SYTL3: variants seen among roughly 807,000 people sequenced by gnomAD.
The protein encoded by SYTL3 is synaptotagmin-like protein 3.
SYTL3 carries 88 observed loss-of-function variants against 82.1 expected under a neutral mutation model. That is an observed-to-expected ratio of 1.07 (90% CI 0.90 to 1.28). The LOEUF is 1.28. Ranked by LOEUF, SYTL3 falls within the 50% of genes most tolerant of loss-of-function variation. The probability of loss-of-function intolerance (pLI) is 0.00; values close to 1 mark genes in which losing one functional copy is unlikely to be tolerated. For missense variants in SYTL3, 831 were observed against 757.6 expected (o/e 1.10, Z -1.14); for synonymous variants, 311 against 289.4 (o/e 1.07, Z -0.76).
rs1179069095 is a variant in SYTL3, at chr6:158,752,690, G to T, written c.1137+660G>T. On this transcript the variant is annotated intron_variant, in intron 13 of 17. Transcript: ENST00000611299. Reference sequence around the variant, plus strand: ...CCAATCTTGGTGCAGGGTGAGGGGGGTAGCCCAGAGCTGCAGAGGCTACCC... The same window carrying T: ...CCAATCTTGGTGCAGGGTGAGGGGGTTAGCCCAGAGCTGCAGAGGCTACCC... 2.0e-5 allele frequency among the ~76,000 whole-genome samples: 3 copies of T among 152,336 alleles called. No individual in the cohort carries two copies. In the East Asian group the frequency reaches 5.8e-4, roughly 29 times the overall value.
intron 5 of SYTL3, among the ~76,000 whole-genome samples, chr6:158,669,942 A>G (rs534270403): frequency 5.9e-5 from 9 of 152,350 alleles, no homozygotes; most frequent in African/African-American, 1.9e-4. Context: ...TCTCTGAAAC[A>G]ACTTAAAAAG....
intron 11 of SYTL3, among the ~76,000 whole-genome samples, chr6:158,732,376 A>G (rs892681620): frequency 1.3e-5 from 2 of 152,128 alleles, no homozygotes; most frequent in Admixed American, 6.6e-5. Flanking sequence ...CAAAATATAA[A>G]TGCCTGGCTA....
At chr6:158,681,647 C>T (rs561209355) in intron 5 of SYTL3, among the ~76,000 whole-genome samples, 33 of 152,252 alleles carry the variant, frequency 2.2e-4, no homozygotes, top group African/African-American at 7.0e-4. Flanking sequence ...CACTGCACTC[C>T]AGCCTGGGCC....
rs562036426 is a variant in SYTL3, at chr6:158,760,174, C to A, written c.1309-466C>A. Among the ~76,000 whole-genome samples the A allele has an allele frequency of 2.0e-5, 3 of 152,194 alleles. No individual in the cohort carries two copies. In the South Asian group the frequency reaches 6.2e-4, roughly 32 times the overall value. On this transcript the variant is annotated intron_variant, in intron 14 of 17. Transcript: ENST00000611299. ...CTCAGACTCACCACACCCTGAGGGG[C>A]CACCCCCTGTGGCTCTGGACAGAGA...
chr6:158,724,142 G>T (rs749265797), intron 10 of SYTL3, among the ~76,000 whole-genome samples: 2 of 152,170 alleles, frequency 1.3e-5, no homozygotes, highest in African/African-American at 4.8e-5. Flanking sequence ...TGGTGTCTCT[G>T]TCTTCCTACT....
chr6:158,702,850 C>T (rs765201421), intron 6 of SYTL3, among the ~76,000 whole-genome samples: 44 of 151,992 alleles, frequency 2.9e-4, no homozygotes, highest in Non-Finnish European at 4.0e-4. Flanking sequence ...CCCTGAGCCT[C>T]GCTTTTCATT....
chr6:158,659,749 TG>T (rs1469853604), intron 2 of SYTL3, among the ~76,000 whole-genome samples: 1 of 152,248 alleles, frequency 6.6e-6, no homozygotes, highest in Non-Finnish European at 1.5e-5. Flanking sequence ...CATTTCGTTT[TG>T]TTTTGCTTTG....
At chr6:158,755,229 A>G (rs542562029) in intron 13 of SYTL3, among the ~76,000 whole-genome samples, 4 of 152,222 alleles carry the variant, frequency 2.6e-5, no homozygotes, top group African/African-American at 9.6e-5. Flanking sequence ...TGTAGTCCCA[A>G]CTACTTGGGA....
At position 158,665,379 on chromosome 6, in the gene SYTL3, A is replaced by G; in HGVS notation, c.111-16A>G. ...GTTCCATCTAATACTATCTTCTTTA[A>G]CTCTGAGGGCTGCAGGAAACTGAAA... On this transcript the variant is annotated splice_polypyrimidine_tract_variant and intron_variant, in intron 4 of 17. Coordinates refer to ENST00000611299, the MANE Select transcript of SYTL3 (RefSeq NM_001242394.2). 6.4e-7 allele frequency: 1 copy of G among 1,562,880 alleles called. No homozygotes were observed. Among genetic ancestry groups the G allele is most frequent in the Non-Finnish European group, 8.7e-7 (1 of 1,153,226 alleles).
At chr6:158,733,163 G>A (rs1273918916) in intron 11 of SYTL3, among the ~76,000 whole-genome samples, 1 of 152,074 alleles carries the variant, frequency 6.6e-6, no homozygotes, top group Non-Finnish European at 1.5e-5. Flanking sequence ...AAATAAGTAC[G>A]TTCTGTGTTC....
chr6:158,719,837 C>T lies in SYTL3; in HGVS notation c.720+1626C>T, dbSNP rs528312249. Among the ~76,000 whole-genome samples, 3 of 152,356 alleles carry T rather than the reference C, an allele frequency of 2.0e-5. No individual in the cohort carries two copies. In the East Asian group the frequency reaches 5.8e-4, roughly 29 times the overall value. ...GAGCCTGGTGGCTCATGCCGGTAAT[C>T]CCAGCACTTTGGGAAGCCGAGGTGG... On this transcript the variant is annotated intron_variant, in intron 10 of 17. Transcript: ENST00000611299.
At chr6:158,707,111 T>C in intron 6 of SYTL3, 119 bp from the exon 7 acceptor site, 1 of 1,047,706 alleles carries the variant, frequency 9.5e-7, no homozygotes, top group South Asian at 1.4e-5. Flanking sequence ...AATGATCTCT[T>C]ACTTTTTAAT....
At chr6:158,647,286 CTA>C (rs1292892818), upstream of SYTL3, among the ~76,000 whole-genome samples, 1 of 152,186 alleles carries the variant, frequency 6.6e-6, no homozygotes, top group Non-Finnish European at 1.5e-5. Context: ...CCAATTTTAA[CTA>C]TTAAAGAACA....
chr6:158,702,876 C>T (rs116362526), intron 6 of SYTL3, among the ~76,000 whole-genome samples: 3,000 of 152,028 alleles, frequency 0.02, 94 homozygotes, highest in African/African-American at 0.069. Flanking sequence ...AATTGGGGGC[C>T]TGGCACAGTG....
intron 6 of SYTL3, among the ~76,000 whole-genome samples, chr6:158,703,622 C>T (rs1307038624): frequency 1.3e-5 from 2 of 152,120 alleles, no homozygotes; most frequent in African/African-American, 2.4e-5. Context: ...GTTCTCAAAT[C>T]TGCCCGGATC....
chr6:158,732,944 A>C (rs570957463), intron 11 of SYTL3, among the ~76,000 whole-genome samples: 2 of 123,758 alleles, frequency 1.6e-5, no homozygotes, highest in South Asian at 5.4e-4. Context: ...ATGTTTTAAA[A>C]GTTTAAAAAG....
rs1257700803 is a variant in SYTL3, at chr6:158,718,330, C to T, written c.720+119C>T. 7 of 1,199,822 alleles carry T rather than the reference C, an allele frequency of 5.8e-6. No individual in the cohort carries two copies. The African/African-American group carries it at 7.8e-5, about 13-fold the overall frequency. The allele number at this position is 1,199,822 out of a possible 1,614,324, so 74.3% of individuals were successfully genotyped here. A position where few individuals can be genotyped will look rare whatever the true frequency, so the allele number is the denominator to read the frequency against. ...TTGGTTTTATAGAAAAACAGTAAGC[C>T]ATCAGAAAAACATAATTACCAGTCA... On this transcript the variant is annotated intron_variant, in intron 10 of 17. Coordinates refer to ENST00000611299, the MANE Select transcript of SYTL3 (RefSeq NM_001242394.2).
In SYTL3 at chr6:158,708,235, A is replaced by C. The variant is rs187680726; in HGVS notation, c.447-87A>C. 16 of 1,197,998 alleles carry C rather than the reference A, an allele frequency of 1.3e-5. No individual in the cohort carries two copies. In the East Asian group the frequency reaches 3.7e-4, roughly 28 times the overall value. The allele number at this position is 1,197,998 out of a possible 1,614,324, so 74.2% of individuals were successfully genotyped here. A position where few individuals can be genotyped will look rare whatever the true frequency, so the allele number is the denominator to read the frequency against. ...AAAAAAGGCGGAGAACTAGAATTAT[A>C]GAATAATGGCACATTTTGTGTATTT... is the stretch of plus-strand genomic sequence containing the variant. On this transcript the variant is annotated intron_variant, in intron 7 of 17. Transcript: ENST00000611299.
chr6:158,758,436 CAA>C (rs560146235), intron 14 of SYTL3, among the ~76,000 whole-genome samples: 42 of 127,094 alleles, frequency 3.3e-4, no homozygotes, highest in East Asian at 1.0e-3. Flanking sequence ...GACTCTGTCT[CAA>C]AAAAAAAAAA....
Sources: allele counts gnomAD v4.1 joint callset (sites outside exome capture counted in the v4.1 genomes callset), GRCh38; gene constraint gnomAD v4.1.1; transcripts MANE v1.5; gene names NCBI Gene and HGNC (gene_info 2026-07-23, HGNC 2026-07-21).